The following PRORP variants were observed in gnomAD, a reference collection of about 807,000 sequenced individuals.
PRORP encodes the protein protein only RNase P catalytic subunit.
PRORP carries 51 observed loss-of-function variants against 59.4 expected under a neutral mutation model. That is an observed-to-expected ratio of 0.86 (90% CI 0.69 to 1.08). PRORP has a LOEUF of 1.08. Ranked by LOEUF, PRORP falls within the 50% of genes least tolerant of loss-of-function variation. PRORP has a pLI of 0.00. For missense variants in PRORP, 646 were observed against 690.3 expected, an observed-to-expected ratio of 0.94 and a Z score of 0.72; for synonymous variants, 231 against 245.6, an observed-to-expected ratio of 0.94 and a Z score of 0.55.
chr14:35,224,889 T>C (rs888825199), intron 5 of PRORP, among the ~76,000 whole-genome samples: 1 of 150,532 alleles, frequency 6.6e-6, no homozygotes, highest in African/African-American at 2.4e-5. Context: ...ATGAACTCCT[T>C]TTTTTTTTGG....
At chr14:35,237,482 G>A (rs1007277716) in intron 5 of PRORP, among the ~76,000 whole-genome samples, 1 of 151,892 alleles carries the variant, frequency 6.6e-6, no homozygotes, top group African/African-American at 2.4e-5. Context: ...CCCTATCATA[G>A]CCTCCTAACT....
chr14:35,183,796 A>C (rs186957471), intron 5 of PRORP, among the ~76,000 whole-genome samples: 161 of 152,296 alleles, frequency 1.1e-3, no homozygotes, highest in Non-Finnish European at 2.0e-3. Flanking sequence ...CCGCTAAGTG[A>C]AAAGGGCTGG....
chr14:35,127,777 T>C (rs1490608846), intron 4 of PRORP, among the ~76,000 whole-genome samples, 166 bp downstream of exon 4: 2 of 152,206 alleles, frequency 1.3e-5, no homozygotes, highest in Non-Finnish European at 2.9e-5. Context: ...AGATAATACA[T>C]AAATGAATAG....
chr14:35,185,448 T>TA (rs1428684480), intron 5 of PRORP, among the ~76,000 whole-genome samples: 12 of 152,316 alleles, frequency 7.9e-5, no homozygotes, highest in Admixed American at 5.2e-4. Context: ...GACAATGTAA[T>TA]AAAAGACAGT....
intron 5 of PRORP, among the ~76,000 whole-genome samples, chr14:35,249,219 C>T (rs2050554153): frequency 6.6e-6 from 1 of 152,062 alleles, no homozygotes; most frequent in Non-Finnish European, 1.5e-5. Context: ...AAATTCCCAC[C>T]CAGGACAATT....
chr14:35,194,868 C>T (rs2048971030), intron 5 of PRORP, among the ~76,000 whole-genome samples: 1 of 152,040 alleles, frequency 6.6e-6, no homozygotes, highest in Non-Finnish European at 1.5e-5. Flanking sequence ...AAAAGATAGG[C>T]AAATTGTGAT....
chr14:35,170,365 G>T (rs2048284590), intron 4 of PRORP, among the ~76,000 whole-genome samples: 1 of 151,354 alleles, frequency 6.6e-6, no homozygotes, highest in Non-Finnish European at 1.5e-5. Flanking sequence ...TCATCTATTG[G>T]CTTTTATCTA....
chr14:35,158,590 A>G, intron 4 of PRORP: 1 of 293,518 alleles, frequency 3.4e-6, no homozygotes, highest in Non-Finnish European at 6.9e-6. Flanking sequence ...CTGAAGGAGC[A>G]GTGAAGTATA....
At chr14:35,239,084 T>TG (rs1466121726) in intron 5 of PRORP, among the ~76,000 whole-genome samples, 1 of 152,122 alleles carries the variant, frequency 6.6e-6, no homozygotes, top group Non-Finnish European at 1.5e-5. Context: ...CCAGGTGTGG[T>TG]GGTGGCTCAC....
chr14:35,248,538 A>T (rs1238428973), intron 5 of PRORP, among the ~76,000 whole-genome samples: 1 of 152,268 alleles, frequency 6.6e-6, no homozygotes, highest in African/African-American at 2.4e-5. Context: ...CTTTAAATAA[A>T]TCATGATCTC....
At chr14:35,218,342 TC>T (rs1186102058) in intron 5 of PRORP, among the ~76,000 whole-genome samples, 1 of 151,134 alleles carries the variant, frequency 6.6e-6, no homozygotes, top group African/African-American at 2.4e-5. Flanking sequence ...GCACTTGTAG[TC>T]CCAGCTATTA....
chr14:35,225,562 G>T (rs1179199488), intron 5 of PRORP, among the ~76,000 whole-genome samples: 1 of 151,982 alleles, frequency 6.6e-6, no homozygotes, highest in East Asian at 1.9e-4. Context: ...GACCAGGCTG[G>T]TCTCGAACTC....
intron 7 of PRORP, 21 bp downstream of exon 7, chr14:35,270,617 T>C: frequency 6.3e-7 from 1 of 1,599,382 alleles, no homozygotes; most frequent in African/African-American, 1.3e-5. Context: ...CTGTTCTTTA[T>C]GTAATATTAA....
chr14:35,257,200 A>G lies in PRORP; in HGVS notation c.1276-9527A>G, dbSNP rs1252028913. Among the ~76,000 whole-genome samples the G allele has an allele frequency of 3.3e-5, 5 of 152,184 alleles. No individual in the cohort carries two copies. The East Asian group carries it at 9.6e-4, about 29-fold the overall frequency. ...TGATAAAATCTTTTATTGTTGTAAA[A>G]TATATTAACATAAAATTTACCATTT... On this transcript the variant is annotated intron_variant, in intron 5 of 7. Transcript: ENST00000534898.
intron 4 of PRORP, among the ~76,000 whole-genome samples, chr14:35,168,222 A>G (rs553387075): frequency 2.6e-5 from 4 of 152,302 alleles, no homozygotes; most frequent in Admixed American, 2.0e-4. Flanking sequence ...ACCATCCCGC[A>G]TTCCCATCAG....
intron 5 of PRORP, among the ~76,000 whole-genome samples, chr14:35,231,742 A>T (rs1221446806): frequency 6.6e-6 from 1 of 152,250 alleles, no homozygotes; most frequent in Non-Finnish European, 1.5e-5. Context: ...AGAATCAGCC[A>T]TACCCCAGGG....
chr14:35,166,063 T>G (rs1050723473), intron 4 of PRORP, among the ~76,000 whole-genome samples: 89 of 152,314 alleles, frequency 5.8e-4, no homozygotes, highest in African/African-American at 2.1e-3. Flanking sequence ...GATTTATTCC[T>G]TGAGAACACC....
chr14:35,172,449 CTTCCTTCT>C lies in PRORP; in HGVS notation c.1168-8217_1168-8210del, dbSNP rs1372433638. On this transcript the variant is annotated intron_variant, in intron 4 of 7. Coordinates refer to ENST00000534898, the MANE Select transcript of PRORP (RefSeq NM_014672.4). ...CCTTCCTTCCTTCCTTCCTTCCTTCCTTCCTTCTTTCTTTCTTTCCCCTCTTTCCTTTC... is the reference window on the plus strand; with the variant it reads ...CCTTCCTTCCTTCCTTCCTTCCTTCCTTCTTTCTTTCCCCTCTTTCCTTTC... 1.3e-3 allele frequency among the ~76,000 whole-genome samples: 39 copies of C among 29,230 alleles called. 2 individuals are homozygous for C. Among genetic ancestry groups the C allele is most frequent in the East Asian group, 4.0e-3 (2 of 496 alleles). 19.2% of individuals were successfully genotyped at this position (29,230 alleles called of 152,430 possible). A position where few individuals can be genotyped will look rare whatever the true frequency, so the allele number is the denominator to read the frequency against.
At chr14:35,228,095 A>T (rs549685326) in intron 5 of PRORP, among the ~76,000 whole-genome samples, 1 of 152,316 alleles carries the variant, frequency 6.6e-6, no homozygotes, top group African/African-American at 2.4e-5. Context: ...GTGAGCCAAG[A>T]TCGCGCCACT....
Sources: allele counts gnomAD v4.1 joint callset (sites outside exome capture counted in the v4.1 genomes callset), GRCh38; gene constraint gnomAD v4.1.1; transcripts MANE v1.5; gene names NCBI Gene and HGNC (gene_info 2026-07-23, HGNC 2026-07-21).